The following RAD51B variants were observed in gnomAD, a reference collection of about 807,000 sequenced individuals.
RAD51B encodes the protein DNA repair protein RAD51 homolog 2.
In RAD51B, 38 loss-of-function variants were observed where a neutral mutation model predicts 42.2. The ratio of observed to expected loss-of-function variants is 0.90; its 90% CI spans 0.70 to 1.18. The LOEUF (loss-of-function observed/expected upper bound fraction) is 1.18. Ranked by LOEUF, RAD51B falls within the 50% of genes most tolerant of loss-of-function variation. The pLI, the probability that RAD51B is intolerant of heterozygous loss-of-function variation, is 0.00. For synonymous variants in RAD51B, 154 were observed against 145.2 expected (o/e 1.06, Z -0.43); for missense variants, 373 against 400.7 (o/e 0.93, Z 0.59).
rs899654946 is a variant in RAD51B, at chr14:68,422,583, G to A, written c.957+11056G>A. Among the ~76,000 whole-genome samples the A allele has an allele frequency of 2.0e-5, 3 of 148,932 alleles. No individual in the cohort carries two copies. The East Asian group carries it at 6.0e-4, about 30-fold the overall frequency. ...TCAAAAAAAAAAAAAAAAAAATTAG[G>A]GGTAGAGGAATGGGAAGCAGACAAA... On this transcript the variant is annotated intron_variant, in intron 9 of 10. Coordinates refer to ENST00000471583, the MANE Select transcript of RAD51B (RefSeq NM_133510.4).
chr14:67,826,717 C>T (rs796918018), intron 3 of RAD51B, among the ~76,000 whole-genome samples: 21 of 150,708 alleles, frequency 1.4e-4, no homozygotes, highest in African/African-American at 5.1e-4. Context: ...AGGTCTGTCT[C>T]TATTTCTCTG....
chr14:68,389,518 A>ATATGTCAG (rs1250020190), intron 8 of RAD51B, among the ~76,000 whole-genome samples: 2 of 152,222 alleles, frequency 1.3e-5, no homozygotes, highest in Admixed American at 6.5e-5. Flanking sequence ...TACTACATTA[A>ATATGTCAG]TATGTCAGTG....
intron 10 of RAD51B, chr14:68,628,357 G>T (rs993726764): frequency 6.6e-6 from 1 of 152,226 alleles, no homozygotes; most frequent in African/African-American, 2.4e-5. Context: ...CTTACCTGGG[G>T]TAAAAGCCGG....
In RAD51B at chr14:68,474,898, C is replaced by A. The variant is rs8013198; in HGVS notation, c.1037-2750C>A. Among the ~76,000 whole-genome samples the A allele has an allele frequency of 8.6e-3, 1,303 of 152,304 alleles. 22 individuals carry two copies. The highest frequency in any genetic ancestry group is 0.03 in the African/African-American group (1,255 of 41,570). ...CATGATAGAGATGTACTGCTTCCTC[C>A]TGTAGTGCCGAGGAGGAATGCAGTC... On this transcript the variant is annotated intron_variant, in intron 10 of 10. Coordinates refer to ENST00000471583, the MANE Select transcript of RAD51B (RefSeq NM_133510.4).
At chr14:68,682,916 T>C in intron 11 of RAD51B, 1 of 698,398 alleles carries the variant, frequency 1.4e-6, no homozygotes, top group Non-Finnish European at 1.7e-6. Context: ...ATGGCTTTTT[T>C]TTTTTTTTTT....
At chr14:68,577,109 G>A (rs1180729607) in intron 10 of RAD51B, among the ~76,000 whole-genome samples, 1 of 152,166 alleles carries the variant, frequency 6.6e-6, no homozygotes, top group Admixed American at 6.5e-5. Context: ...GAAGGAAGCA[G>A]AATTTCCAGT....
intron 8 of RAD51B, among the ~76,000 whole-genome samples, chr14:68,398,245 G>T (rs1164957376): frequency 6.6e-6 from 1 of 152,244 alleles, no homozygotes; most frequent in Non-Finnish European, 1.5e-5. Flanking sequence ...AATAAGGATT[G>T]TATCCATGTT....
At chr14:68,506,642 C>T (rs979667610) in intron 10 of RAD51B, among the ~76,000 whole-genome samples, 10 of 152,078 alleles carry the variant, frequency 6.6e-5, no homozygotes, top group Admixed American at 3.9e-4. Context: ...TGCATGTGTC[C>T]GAGGCAGGGA....
chr14:68,364,528 C>T (rs1368920591), intron 8 of RAD51B, among the ~76,000 whole-genome samples: 1 of 152,176 alleles, frequency 6.6e-6, no homozygotes, highest in Non-Finnish European at 1.5e-5. Flanking sequence ...CCAGCAGCCC[C>T]CTCCCCCAGC....
chr14:67,872,578 G>A (rs1387499491), intron 5 of RAD51B, among the ~76,000 whole-genome samples: 16 of 147,816 alleles, frequency 1.1e-4, no homozygotes, highest in African/African-American at 4.0e-4. Context: ...CACAGAATTG[G>A]AAAAAACTAC....
At chr14:68,429,524 C>T (rs2084945062) in intron 9 of RAD51B, among the ~76,000 whole-genome samples, 1 of 152,154 alleles carries the variant, frequency 6.6e-6, no homozygotes, top group African/African-American at 2.4e-5. Context: ...AGCATTTTTT[C>T]ACGTGTCTGT....
intron 9 of RAD51B, among the ~76,000 whole-genome samples, chr14:68,425,936 TTTTC>T (rs56847254): frequency 0.017 from 1,271 of 73,864 alleles, 37 homozygotes; most frequent in Middle Eastern, 0.035. Context: ...AGGCCATTCT[TTTTC>T]TTTCTTTCTT....
intron 8 of RAD51B, among the ~76,000 whole-genome samples, chr14:68,331,382 A>AAAAAAAAAAAAAAAAAAAAAAG (rs1380853785): frequency 6.7e-6 from 1 of 148,718 alleles, no homozygotes; most frequent in Non-Finnish European, 1.5e-5. Context: ...AAAAAAAAAA[A>AAAAAAAAAAAAAAAAAAAAAAG]AAAGCAATGG....
chr14:68,444,426 G>T (rs1297760846), intron 9 of RAD51B, among the ~76,000 whole-genome samples: 1 of 145,776 alleles, frequency 6.9e-6, no homozygotes, highest in Non-Finnish European at 1.5e-5. Flanking sequence ...TCCACAGGTG[G>T]AAAGAATTGT....
intron 4 of RAD51B, among the ~76,000 whole-genome samples, chr14:67,848,645 T>G (rs770481491): frequency 4.8e-4 from 73 of 152,186 alleles, no homozygotes; most frequent in Non-Finnish European, 9.3e-4. Flanking sequence ...CTGGTTGTTA[T>G]GTAGACTTGA....
At chr14:68,611,090 C>G (rs936638786) in exon 11 of RAD51B, 1 of 703,182 alleles carries the variant, frequency 1.4e-6, no homozygotes, top group South Asian at 1.5e-5. Context: ...TTCCTGATAC[C>G]TGATGTGGTG....
At chr14:68,434,304 C>G (rs1344565689) in intron 9 of RAD51B, among the ~76,000 whole-genome samples, 9 of 152,050 alleles carry the variant, frequency 5.9e-5, no homozygotes, top group Non-Finnish European at 1.3e-4. Flanking sequence ...GCAGAGGTTT[C>G]TGCTGCCTTT....
rs536637048 is a variant in RAD51B at position 68,409,028 on chromosome 14, GGGACTGAT to G, written c.854-2393_854-2386del. On this transcript the variant is annotated intron_variant, in intron 8 of 10. Transcript: ENST00000471583. ...GAGGTGGGCAGGGAATGAGGTGTTG[GGGACTGAT>G]GGCCAGTGGGTGTGGGATTTCTTTT... Among the ~76,000 whole-genome samples, 959 of 152,258 alleles carry G rather than the reference GGGACTGAT, an allele frequency of 6.3e-3. 15 individuals carry two copies. Among genetic ancestry groups the G allele is most frequent in the Non-Finnish European group, 3.9e-3 (264 of 68,016 alleles).
At chr14:68,108,952 T>A (rs1201286652) in intron 7 of RAD51B, among the ~76,000 whole-genome samples, 1 of 151,968 alleles carries the variant, frequency 6.6e-6, no homozygotes, top group Non-Finnish European at 1.5e-5. Flanking sequence ...ATTTTATCAA[T>A]CTGCTTGTCT....
Sources: allele counts gnomAD v4.1 joint callset (sites outside exome capture counted in the v4.1 genomes callset), GRCh38; gene constraint gnomAD v4.1.1; transcripts MANE v1.5; gene names NCBI Gene and HGNC (gene_info 2026-07-23, HGNC 2026-07-21).